RIOK3: variants seen among roughly 807,000 people sequenced by gnomAD.
The protein encoded by RIOK3 is RIO kinase 3, also known as serine/threonine-protein kinase RIO3.
Under a neutral mutation model 63.5 loss-of-function variants are expected in RIOK3, and 40 were observed. The ratio of observed to expected loss-of-function variants is 0.63; its 90% CI spans 0.49 to 0.82. RIOK3 has a LOEUF of 0.82. RIOK3 is among the 40% of genes least tolerant of loss of function. The pLI is 0.00. For synonymous variants in RIOK3, 193 were observed against 205.0 expected (o/e 0.94, Z 0.50); for missense variants, 557 against 637.0 (o/e 0.87, Z 1.35).
chr18:23,466,750 G>A (rs2145682587), intron 6 of RIOK3, among the ~76,000 whole-genome samples: 1 of 151,424 alleles, frequency 6.6e-6, no homozygotes, highest in East Asian at 1.9e-4. Context: ...CAGCACCTTG[G>A]GAAGCCAAGG....
chr18:23,462,815 C>T, intron 1 of RIOK3, 149 bp from the exon 2 acceptor site: 2 of 440,484 alleles, frequency 4.5e-6, no homozygotes, highest in South Asian at 4.7e-5. Context: ...GATAATTTTA[C>T]TTTTGAGATG....
At chr18:23,453,535 T>C (rs372168858) in intron 1 of RIOK3, 33 bp downstream of exon 1, 90 of 1,541,720 alleles carry the variant, frequency 5.8e-5, no homozygotes, top group Non-Finnish European at 8.1e-5. Context: ...GTACTAGCCT[T>C]GGTCACACGG....
intron 7 of RIOK3, among the ~76,000 whole-genome samples, chr18:23,469,383 CCTCCCCTCTCT>C (rs1568384605): frequency 8.2e-4 from 5 of 6,106 alleles, no homozygotes; most frequent in Admixed American, 2.1e-3. Flanking sequence ...CCCTCCCCTC[CCTCCCCTCTCT>C]CCTCTCTCCC....
At chr18:23,479,028 A>G (rs1442629912) in intron 11 of RIOK3, 1 of 299,582 alleles carries the variant, frequency 3.3e-6, no homozygotes, top group Non-Finnish European at 6.6e-6. Context: ...GAGGCAAGGA[A>G]TGTAGTGGCT....
At chr18:23,479,509 C>T in intron 12 of RIOK3, 85 bp downstream of exon 12, 1 of 694,032 alleles carries the variant, frequency 1.4e-6, no homozygotes, top group Non-Finnish European at 2.5e-6. Context: ...CTAGTTTTAT[C>T]CTCCCTTTCC....
At position 23,464,252 on chromosome 18, in the gene RIOK3, C is replaced by T. The variant is rs1159735275; in HGVS notation, c.372C>T (p.Asp124=). 2 of 1,614,004 alleles carry T rather than the reference C, an allele frequency of 1.2e-6. No individual in the cohort carries two copies. The highest frequency in any genetic ancestry group is 1.7e-6 in the Non-Finnish European group (2 of 1,180,002). Residue 124 remains aspartate (D), a synonymous_variant, in exon 4 of 13, where the codon GAC becomes GAT. Coordinates refer to ENST00000339486, the MANE Select transcript of RIOK3 (RefSeq NM_003831.5). The part of the protein sequence containing the change: ...ENYRKVHPYE[D]SDSSEDEVDW... ...ATCGAAAAGTGCATCCTTATGAAGA[C>T]AGCGATAGCTCTGAAGATGAGGTTG... is the stretch of plus-strand genomic sequence containing the variant.
chr18:23,455,881 T>C (rs2057337653), intron 1 of RIOK3, among the ~76,000 whole-genome samples: 2 of 152,248 alleles, frequency 1.3e-5, no homozygotes, highest in African/African-American at 4.8e-5. Context: ...CACTGCAACC[T>C]CCGCCTCCTG....
In RIOK3 at chr18:23,473,422, C is replaced by T; in HGVS notation, c.816-7C>T. ...TGTACTGACTTGATTTTTTTTCTTC[C>T]ACTTAGCATGGAGGATGAAAAGGAA... On this transcript the variant is annotated splice_region_variant and splice_polypyrimidine_tract_variant and intron_variant, in intron 7 of 12. Coordinates refer to ENST00000339486, the MANE Select transcript of RIOK3 (RefSeq NM_003831.5). 3 of 1,575,236 alleles carry T rather than the reference C, an allele frequency of 1.9e-6. No individual in the cohort carries two copies. Among genetic ancestry groups the T allele is most frequent in the South Asian group, 1.2e-5 (1 of 85,614 alleles).
chr18:23,481,150 A>T, intron 12 of RIOK3, 22 bp from the exon 13 acceptor site: 1 of 1,474,712 alleles, frequency 6.8e-7, no homozygotes, highest in South Asian at 1.1e-5. Flanking sequence ...TGACAAATGG[A>T]TTCAATGTAT....
At chr18:23,457,201 G>T (rs918417767) in intron 1 of RIOK3, among the ~76,000 whole-genome samples, 1 of 152,168 alleles carries the variant, frequency 6.6e-6, no homozygotes, top group Non-Finnish European at 1.5e-5. Flanking sequence ...ACAAAATGCT[G>T]AACTACTATT....
At chr18:23,462,568 A>G (rs2057379132) in intron 1 of RIOK3, among the ~76,000 whole-genome samples, 1 of 152,276 alleles carries the variant, frequency 6.6e-6, no homozygotes, top group African/African-American at 2.4e-5. Flanking sequence ...AAATGGTGCT[A>G]GTTGGCATAG....
Position 23,459,393 on chromosome 18 carries a change from C to T in RIOK3, c.64-3571C>T, listed in dbSNP as rs529034505. ...AAATACTGGAATGCCTCTTTATATCCAAAGCTCTATGCTGGGCTCTGAGGG... is the reference window on the plus strand; with the variant it reads ...AAATACTGGAATGCCTCTTTATATCTAAAGCTCTATGCTGGGCTCTGAGGG... On this transcript the variant is annotated intron_variant, in intron 1 of 12. Transcript: ENST00000339486. 4.6e-5 allele frequency among the ~76,000 whole-genome samples: 7 copies of T among 152,232 alleles called. No homozygotes were observed. In the South Asian group the frequency reaches 1.2e-3, roughly 27 times the overall value.
intron 6 of RIOK3, among the ~76,000 whole-genome samples, chr18:23,467,022 A>G (rs1212709280): frequency 6.6e-6 from 1 of 151,970 alleles, no homozygotes; most frequent in Non-Finnish European, 1.5e-5. Context: ...TCTAAAAAAA[A>G]AAAAGATATT....
At chr18:23,464,152 A>G (rs2057390240) in intron 3 of RIOK3, 40 bp downstream of exon 3, 2 of 1,604,030 alleles carry the variant, frequency 1.2e-6, no homozygotes, top group African/African-American at 1.3e-5. Flanking sequence ...TGAGTGGTAG[A>G]AAACACTCAT....
chr18:23,482,115 C>G lies in RIOK3; in HGVS notation c.*836C>G, dbSNP rs1441037362. ...ACGTATTTTAATTTAGTTAATGAAG[C>G]AAAATTCAGTTTATATTTCACTAGA... On this transcript the variant is annotated 3_prime_UTR_variant, in exon 13 of 13. Coordinates refer to ENST00000339486, the MANE Select transcript of RIOK3 (RefSeq NM_003831.5). 1 of 152,108 alleles carries G rather than the reference C, an allele frequency of 6.6e-6. No individual in the cohort carries two copies. Among genetic ancestry groups the G allele is most frequent in the African/African-American group, 2.4e-5 (1 of 41,400 alleles). The allele number at this position is 152,108 out of a possible 1,614,324, so 9.4% of individuals were successfully genotyped here. A position where few individuals can be genotyped will look rare whatever the true frequency, so the allele number is the denominator to read the frequency against.
intron 1 of RIOK3, among the ~76,000 whole-genome samples, chr18:23,459,675 T>C (rs112255045): frequency 6.6e-6 from 1 of 152,100 alleles, no homozygotes; most frequent in African/African-American, 2.4e-5. Flanking sequence ...GTATGCCATC[T>C]TTTTTGTTTG....
intron 12 of RIOK3, among the ~76,000 whole-genome samples, chr18:23,480,352 C>T (rs1000706604): frequency 6.6e-6 from 1 of 152,144 alleles, no homozygotes; most frequent in African/African-American, 2.4e-5. Flanking sequence ...CAGCACAATA[C>T]AGTTGCTCAG....
At chr18:23,473,363 A>C (rs1412487833) in intron 7 of RIOK3, 66 bp from the exon 8 acceptor site, 1 of 944,274 alleles carries the variant, frequency 1.1e-6, no homozygotes, top group African/African-American at 1.7e-5. Context: ...CAGAATCTTT[A>C]TTTTGAAATT....
At chr18:23,480,858 G>A (rs1288945777) in intron 12 of RIOK3, among the ~76,000 whole-genome samples, 21 of 152,154 alleles carry the variant, frequency 1.4e-4, no homozygotes, top group African/African-American at 4.3e-4. Context: ...AGGCCAAGGC[G>A]GGTGGAACAC....
Sources: allele counts gnomAD v4.1 joint callset (sites outside exome capture counted in the v4.1 genomes callset), GRCh38; gene constraint gnomAD v4.1.1; transcripts MANE v1.5; gene names NCBI Gene and HGNC (gene_info 2026-07-23, HGNC 2026-07-21).